Variants in NEBL observed in about 807,000 individuals in gnomAD.
The protein encoded by NEBL is LIM and SH3 protein 2.
Under a neutral mutation model 140.2 loss-of-function variants are expected in NEBL, and 122 were observed. The ratio of observed to expected loss-of-function variants is 0.87; its 90% CI spans 0.75 to 1.01. The LOEUF is 1.01. Among genes scored for constraint, NEBL ranks in the 50% least tolerant of loss-of-function variants. The probability of loss-of-function intolerance (pLI) is 0.00; values close to 1 mark genes in which losing one functional copy is unlikely to be tolerated. For missense variants in NEBL, 1,365 were observed against 1,231.3 expected, an observed-to-expected ratio of 1.11 and a Z score of -1.62; for synonymous variants, 436 against 398.9, an observed-to-expected ratio of 1.09 and a Z score of -1.11.
chr10:20,992,460 T>C (rs1456176068), intron 3 of NEBL, among the ~76,000 whole-genome samples: 3 of 152,176 alleles, frequency 2.0e-5, no homozygotes, highest in Non-Finnish European at 4.4e-5. Context: ...AATTCCTCTT[T>C]TGAGTGACGA....
intron 4 of NEBL, among the ~76,000 whole-genome samples, chr10:20,939,951 C>T (rs7907748): frequency 0.71 from 106,781 of 151,224 alleles, 37,810 homozygotes; most frequent in Admixed American, 0.8. Context: ...CTTAGAGACC[C>T]AGAAAGAGAA....
Position 20,808,591 on chromosome 10 carries a change from C to A in NEBL, c.2680G>T (p.Gly894Ter). Reference sequence around the variant, plus strand: ...TCGGAGATTTCTGACCTGTCGTCTCCGAGACCTGTACCGAAAGTACTGCTG... The same window carrying A: ...TCGGAGATTTCTGACCTGTCGTCTCAGAGACCTGTACCGAAAGTACTGCTG... ...HSSSTFGTGL[G>*]DDRSEISEIY... Residue 894 changes from glycine to a stop codon, truncating the protein, a stop_gained, in exon 26 of 28, where the codon GGA becomes TGA. Coordinates refer to ENST00000377122, the MANE Select transcript of NEBL (RefSeq NM_006393.3). LOFTEE classifies it high-confidence loss of function. 1 of 1,613,572 alleles carries A rather than the reference C, an allele frequency of 6.2e-7. No homozygotes were observed. The highest frequency in any genetic ancestry group is 8.5e-7 in the Non-Finnish European group (1 of 1,179,644).
intron 4 of NEBL, among the ~76,000 whole-genome samples, chr10:20,920,663 G>C (rs1177090449): frequency 6.6e-6 from 1 of 152,122 alleles, no homozygotes; most frequent in Non-Finnish European, 1.5e-5. Flanking sequence ...TATTTACCAA[G>C]TAAAGGTCAG....
intron 2 of NEBL, among the ~76,000 whole-genome samples, chr10:21,082,534 C>CCAAAAAAAAAAAAAAAA (rs1360732942): frequency 2.3e-5 from 1 of 43,350 alleles, no homozygotes; most frequent in African/African-American, 1.5e-4. Context: ...CCCACCACCA[C>CCAAAAAAAAAAAAAAAA]TAAAAAAAAA....
intron 3 of NEBL, among the ~76,000 whole-genome samples, chr10:21,232,216 T>A (rs1160798526): frequency 6.6e-6 from 1 of 152,026 alleles, no homozygotes; most frequent in Non-Finnish European, 1.5e-5. Flanking sequence ...GAGAGCAAAG[T>A]AGCCATAGAC....
At chr10:20,999,576 G>C (rs1837805082) in intron 3 of NEBL, among the ~76,000 whole-genome samples, 1 of 152,154 alleles carries the variant, frequency 6.6e-6, no homozygotes, top group African/African-American at 2.4e-5. Flanking sequence ...TCCAGCATGG[G>C]CAACAGAGTG....
chr10:21,049,660 AC>A (rs1834682296), intron 2 of NEBL, among the ~76,000 whole-genome samples: 1 of 151,966 alleles, frequency 6.6e-6, no homozygotes, highest in Admixed American at 6.5e-5. Flanking sequence ...CCAACCGCCC[AC>A]CCTGACCCCG....
chr10:21,017,751 C>A (rs1300539117), intron 3 of NEBL, among the ~76,000 whole-genome samples: 2 of 151,944 alleles, frequency 1.3e-5, no homozygotes, highest in African/African-American at 4.8e-5. Context: ...CTTTCTCAAC[C>A]TTCAAGGCTC....
At chr10:21,023,224 AT>A (rs1838871495) in intron 2 of NEBL, among the ~76,000 whole-genome samples, 1 of 152,192 alleles carries the variant, frequency 6.6e-6, no homozygotes, top group African/African-American at 2.4e-5. Flanking sequence ...ACAATGATTA[AT>A]TTGAAAATTT....
At chr10:20,954,877 G>A (rs1050313638) in intron 4 of NEBL, among the ~76,000 whole-genome samples, 1 of 152,198 alleles carries the variant, frequency 6.6e-6, no homozygotes, top group Non-Finnish European at 1.5e-5. Flanking sequence ...CTTGCAGGCA[G>A]AAGTGTGAAA....
chr10:21,172,143 T>C, intron 2 of NEBL: 4 of 541,006 alleles, frequency 7.4e-6, no homozygotes, highest in Non-Finnish European at 1.3e-5. Flanking sequence ...GCTGTAACAC[T>C]GCGAACCTCA....
chr10:20,940,856 A>G (rs1387780834), intron 4 of NEBL, among the ~76,000 whole-genome samples: 11 of 152,196 alleles, frequency 7.2e-5, no homozygotes, highest in Admixed American at 1.3e-4. Flanking sequence ...TAAATTCCTC[A>G]ACACATACAA....
At chr10:21,266,213 C>T (rs1564552396) in intron 1 of NEBL, among the ~76,000 whole-genome samples, 1 of 152,100 alleles carries the variant, frequency 6.6e-6, no homozygotes, top group Non-Finnish European at 1.5e-5. Context: ...TGATCTCAGG[C>T]TCACTGCAAC....
At chr10:21,227,721 TTCTTCTTC>T (rs2132251491) in intron 3 of NEBL, among the ~76,000 whole-genome samples, 40 of 69,418 alleles carry the variant, frequency 5.8e-4, no homozygotes, top group African/African-American at 1.6e-3. Context: ...TTTCTTCTTC[TTCTTCTTC>T]TTCTTCTTCT....
chr10:20,808,724 A>G (rs1005067314), intron 25 of NEBL, 65 bp from the exon 26 acceptor site: 15 of 1,507,044 alleles, frequency 1.0e-5, no homozygotes, highest in Non-Finnish European at 1.4e-5. Flanking sequence ...TCAACAAAAA[A>G]TTACTTAAAA....
intron 3 of NEBL, among the ~76,000 whole-genome samples, chr10:21,234,867 G>A (rs1842327702): frequency 6.6e-6 from 1 of 152,174 alleles, no homozygotes; most frequent in African/African-American, 2.4e-5. Flanking sequence ...AAGTTATATG[G>A]AACAGCTGGT....
intron 2 of NEBL, among the ~76,000 whole-genome samples, chr10:21,066,496 T>C (rs1835551858): frequency 6.6e-6 from 1 of 152,124 alleles, no homozygotes; most frequent in Admixed American, 6.5e-5. Context: ...AACCAGGAAA[T>C]GAAATGATAC....
intron 2 of NEBL, among the ~76,000 whole-genome samples, chr10:21,125,472 C>T (rs1276796071): frequency 6.6e-6 from 1 of 152,186 alleles, no homozygotes; most frequent in Non-Finnish European, 1.5e-5. Flanking sequence ...CTATTTAAGG[C>T]TTCCCTCGAA....
intron 2 of NEBL, among the ~76,000 whole-genome samples, chr10:21,163,883 C>A (rs1362818485): frequency 3.3e-5 from 5 of 152,194 alleles, no homozygotes; most frequent in African/African-American, 1.2e-4. Flanking sequence ...GCAACATCCT[C>A]CAAGACTCTG....
Sources: allele counts gnomAD v4.1 joint callset (sites outside exome capture counted in the v4.1 genomes callset), GRCh38; gene constraint gnomAD v4.1.1; transcripts MANE v1.5; gene names NCBI Gene and HGNC (gene_info 2026-07-23, HGNC 2026-07-21).